Variants in BCAR3 observed in about 807,000 individuals in gnomAD.
BCAR3 encodes the protein BCAR3 adaptor protein, NSP family member, also known as breast cancer anti-estrogen resistance protein 3.
BCAR3 carries 37 observed loss-of-function variants against 80.1 expected under a neutral mutation model. That is an observed-to-expected ratio of 0.46 (90% CI 0.36 to 0.61). The LOEUF is 0.61. Among genes scored for constraint, BCAR3 ranks in the 20% least tolerant of loss-of-function variants. BCAR3 has a pLI of 0.00. For missense variants in BCAR3, 978 were observed against 1,068.2 expected (o/e 0.92, Z 1.18); for synonymous variants, 389 against 418.9 (o/e 0.93, Z 0.87).
chr1:93,657,656 G>GA (rs1227019925), intron 2 of BCAR3, among the ~76,000 whole-genome samples: 1 of 144,322 alleles, frequency 6.9e-6, no homozygotes, highest in African/African-American at 2.6e-5. Context: ...GATTAAAAGA[G>GA]AAAAATAATT....
At chr1:93,580,043 T>A (rs1264154348) in intron 7 of BCAR3, among the ~76,000 whole-genome samples, 1 of 152,272 alleles carries the variant, frequency 6.6e-6, no homozygotes, top group South Asian at 2.1e-4. Context: ...GGCTCTCTTC[T>A]CAAGGCCTGC....
intron 2 of BCAR3, among the ~76,000 whole-genome samples, chr1:93,809,217 G>C (rs573815425): frequency 6.6e-6 from 1 of 152,278 alleles, no homozygotes; most frequent in East Asian, 1.9e-4. Context: ...TATTTAGAAG[G>C]ATGGGGAGGA....
intron 2 of BCAR3, among the ~76,000 whole-genome samples, chr1:93,843,967 T>C (rs1048579482): frequency 1.3e-5 from 2 of 152,178 alleles, no homozygotes; most frequent in Non-Finnish European, 2.9e-5. Flanking sequence ...AGTAGAAGTA[T>C]AGTCCATTTC....
At chr1:93,576,227 G>A (rs1021361491) in intron 7 of BCAR3, 98 bp from the exon 8 acceptor site, 21 of 764,894 alleles carry the variant, frequency 2.7e-5, no homozygotes, top group Admixed American at 1.6e-4. Flanking sequence ...CTACGATGGC[G>A]TGGACACTTT....
intron 2 of BCAR3, among the ~76,000 whole-genome samples, chr1:93,668,995 G>A (rs1445038949): frequency 1.3e-5 from 2 of 152,096 alleles, no homozygotes; most frequent in Non-Finnish European, 2.9e-5. Context: ...TACAGGCAAT[G>A]AGCCACCGCA....
intron 2 of BCAR3, among the ~76,000 whole-genome samples, chr1:93,790,085 T>C (rs192448213): frequency 2.0e-5 from 3 of 152,288 alleles, no homozygotes; most frequent in East Asian, 3.9e-4. Flanking sequence ...TTAGTTCAAA[T>C]TGATGAACTA....
At chr1:93,617,714 G>A (rs1484364911) in intron 3 of BCAR3, among the ~76,000 whole-genome samples, 1 of 152,182 alleles carries the variant, frequency 6.6e-6, no homozygotes, top group Non-Finnish European at 1.5e-5. Flanking sequence ...GCTTTAATGA[G>A]CCAGGGCATG....
intron 2 of BCAR3, among the ~76,000 whole-genome samples, chr1:93,668,164 A>T (rs1172451744): frequency 6.6e-6 from 1 of 152,104 alleles, no homozygotes; most frequent in East Asian, 1.9e-4. Flanking sequence ...TCCAGAGGAG[A>T]TGTTACACAG....
chr1:93,605,217 T>A (rs992678498), intron 3 of BCAR3, among the ~76,000 whole-genome samples: 1 of 152,222 alleles, frequency 6.6e-6, no homozygotes, highest in African/African-American at 2.4e-5. Context: ...AGAAGTCGGA[T>A]GTGCCACACT....
intron 2 of BCAR3, among the ~76,000 whole-genome samples, chr1:93,832,965 A>T (rs1654625359): frequency 6.6e-6 from 1 of 150,818 alleles, no homozygotes; most frequent in South Asian, 2.1e-4. Context: ...GGACACCTCT[A>T]CTCCCTCCTT....
chr1:93,732,050 C>A (rs1428069998), intron 2 of BCAR3, among the ~76,000 whole-genome samples: 1 of 152,148 alleles, frequency 6.6e-6, no homozygotes, highest in Non-Finnish European at 1.5e-5. Context: ...GTCTGCACAT[C>A]CAGGAGAGAC....
chr1:93,819,470 C>A (rs966942958), intron 2 of BCAR3, among the ~76,000 whole-genome samples: 4 of 152,224 alleles, frequency 2.6e-5, no homozygotes, highest in African/African-American at 9.6e-5. Context: ...TTGCTTTTAA[C>A]TACCAAAATA....
At chr1:93,774,550 G>T (rs146128609) in intron 2 of BCAR3, among the ~76,000 whole-genome samples, 1 of 151,202 alleles carries the variant, frequency 6.6e-6, no homozygotes, top group Non-Finnish European at 1.5e-5. Context: ...GATACTTATT[G>T]TTGAAGCTGT....
intron 3 of BCAR3, among the ~76,000 whole-genome samples, chr1:93,693,365 G>A (rs149626231): frequency 1.3e-5 from 2 of 152,336 alleles, no homozygotes; most frequent in East Asian, 3.9e-4. Flanking sequence ...TTTCCAGGAA[G>A]AAAGAACCCC....
intron 10 of BCAR3, 33 bp from the exon 11 acceptor site, chr1:93,567,524 C>T: frequency 1.9e-6 from 3 of 1,605,080 alleles, no homozygotes; most frequent in East Asian, 2.2e-5. Context: ...TTCCATATCA[C>T]ATGTTTTCCA....
intron 2 of BCAR3, chr1:93,723,213 T>C (rs921584344): frequency 6.6e-6 from 1 of 152,170 alleles, no homozygotes; most frequent in Non-Finnish European, 1.5e-5. Flanking sequence ...GCAAGGAAAG[T>C]GGTTTGCAGG....
intron 2 of BCAR3, among the ~76,000 whole-genome samples, chr1:93,739,112 C>T (rs1429009477): frequency 6.6e-6 from 1 of 152,220 alleles, no homozygotes; most frequent in African/African-American, 2.4e-5. Flanking sequence ...CTCCCAGGTT[C>T]TGCTCCCTGG....
chr1:93,635,230 A>T (rs1675742739), intron 3 of BCAR3, among the ~76,000 whole-genome samples: 1 of 149,046 alleles, frequency 6.7e-6, no homozygotes, highest in African/African-American at 2.6e-5. Flanking sequence ...TTAAAAAAAT[A>T]AGTAAATAAA....
intron 2 of BCAR3, among the ~76,000 whole-genome samples, chr1:93,754,766 TTGA>T (rs1651689473): frequency 6.6e-6 from 1 of 152,202 alleles, no homozygotes; most frequent in Non-Finnish European, 1.5e-5. Context: ...TACTCCATAA[TTGA>T]TGATAATAAA....
Sources: gnomAD v4.1 joint callset for allele counts (sites outside exome capture counted in the v4.1 genomes callset) on GRCh38, gnomAD v4.1.1 for gene constraint, MANE v1.5 for transcripts, NCBI Gene and HGNC (gene_info 2026-07-23, HGNC 2026-07-21) for gene names.